The following BNC2 variants were observed in gnomAD, a reference collection of about 807,000 sequenced individuals.
BNC2 encodes the protein zinc finger protein basonuclin-2.
BNC2 carries 20 observed loss-of-function variants against 76.3 expected under a neutral mutation model. The observed-to-expected ratio is 0.26, with a 90% CI of 0.18 to 0.38. The LOEUF (loss-of-function observed/expected upper bound fraction) is 0.38. Ranked by LOEUF, BNC2 falls within the 10% of genes least tolerant of loss-of-function variation. BNC2 has a pLI of 1.00. For missense variants in BNC2, 1,382 were observed against 1,399.8 expected (o/e 0.99, Z 0.20); for synonymous variants, 582 against 514.8 (o/e 1.13, Z -1.77).
At chr9:16,702,070 A>G (rs4360380) in intron 3 of BNC2, among the ~76,000 whole-genome samples, 90,850 of 152,024 alleles carry the variant, frequency 0.6, 30,853 homozygotes, top group Non-Finnish European at 0.79. Context: ...TGCTCAACAA[A>G]TAGTTCCTAA....
At chr9:16,552,847 T>A in intron 4 of BNC2, 82 bp from the exon 5 acceptor site, 1 of 1,159,932 alleles carries the variant, frequency 8.6e-7, no homozygotes, top group Non-Finnish European at 1.3e-6. Flanking sequence ...GAAATATTGC[T>A]GGAAGTTACC....
chr9:16,499,799 G>T (rs1304831591), intron 5 of BNC2, among the ~76,000 whole-genome samples: 2 of 151,914 alleles, frequency 1.3e-5, no homozygotes, highest in East Asian at 3.9e-4. Flanking sequence ...CCAAAGTGCT[G>T]GGATTACAGG....
At chr9:16,704,789 G>A (rs1366250891) in intron 3 of BNC2, 1 of 152,142 alleles carries the variant, frequency 6.6e-6, no homozygotes, top group Non-Finnish European at 1.5e-5. Context: ...GTGGTGCAAG[G>A]TTAACAGATC....
At chr9:16,856,516 C>G (rs1282744115) in intron 1 of BNC2, among the ~76,000 whole-genome samples, 3 of 152,100 alleles carry the variant, frequency 2.0e-5, no homozygotes, top group Non-Finnish European at 4.4e-5. Context: ...CAAAATGATT[C>G]TCCTGCCTCA....
At chr9:16,438,795 C>T (rs57310704) in intron 5 of BNC2, among the ~76,000 whole-genome samples, 12,757 of 152,050 alleles carry the variant, frequency 0.084, 572 homozygotes, top group Middle Eastern at 0.14. Flanking sequence ...AAAGGGTGAT[C>T]GACGTTACCA....
At position 16,435,602 on chromosome 9, in the gene BNC2, T is replaced by C. The variant is rs1199240484; in HGVS notation, c.2592A>G (p.Thr864=). 1.2e-6 allele frequency: 2 copies of C among 1,614,074 alleles called. No homozygotes were observed. The highest frequency in any genetic ancestry group is 2.2e-5 in the East Asian group (1 of 44,888). The change falls in exon 6 of 7, where the codon ACA becomes ACG. Residue 864 remains threonine (T), a synonymous_variant. Coordinates refer to ENST00000380672, the MANE Select transcript of BNC2 (RefSeq NM_017637.6). ...GGAATGCAGCATTGCAACCAGCCAC[T>C]GTGCAGACGTGCATCTCTTTCAAGT... ...NVHLKEMHVC[T]VAGCNAAFPS...
At chr9:16,530,179 T>TA (rs1260343779) in intron 5 of BNC2, among the ~76,000 whole-genome samples, 1 of 151,432 alleles carries the variant, frequency 6.6e-6, no homozygotes, top group Non-Finnish European at 1.5e-5. Flanking sequence ...TTTTTTTTTT[T>TA]AAAAAAGCCT....
rs962332422 is a variant in BNC2, at chr9:16,419,447, C to T, written c.2842G>A (p.Gly948Arg). The T allele has an allele frequency of 6.2e-6, 10 of 1,612,064 alleles. No homozygotes were observed. The highest frequency in any genetic ancestry group is 1.3e-5 in the African/African-American group (1 of 74,950). The change falls in exon 7 of 7, where the codon GGG becomes AGG. Residue 948 changes from glycine (G) to arginine (R), a missense_variant. Gly to Arg is a moderately radical substitution (Grantham distance 125). Transcript: ENST00000380672. ...TCCTCTGCCATGCCTCTCCCATACC[C>T]GTTCAGGTGGGAGTCTTCAGTCCCT... ...PAGTEDSHLNGYGRGMAEDYM... is the reference protein window; with the variant it reads ...PAGTEDSHLNRYGRGMAEDYM...
At chr9:16,466,065 G>T (rs1218928896) in intron 5 of BNC2, among the ~76,000 whole-genome samples, 2 of 98,088 alleles carry the variant, frequency 2.0e-5, no homozygotes, top group East Asian at 5.5e-4. Flanking sequence ...AATCATGAGT[G>T]AACTCCCATT....
chr9:16,733,192 C>G (rs1024542999), intron 2 of BNC2, among the ~76,000 whole-genome samples: 7 of 152,106 alleles, frequency 4.6e-5, no homozygotes, highest in African/African-American at 1.4e-4. Context: ...ATCTGTTGGG[C>G]TGTGTGAAAT....
chr9:16,574,798 A>C (rs747537338), intron 4 of BNC2, among the ~76,000 whole-genome samples: 5 of 152,220 alleles, frequency 3.3e-5, no homozygotes, highest in Admixed American at 6.5e-5. Context: ...CTACTCTTTC[A>C]TGTAATCCTC....
intron 1 of BNC2, among the ~76,000 whole-genome samples, chr9:16,858,954 C>A (rs1212066499): frequency 6.6e-6 from 1 of 151,952 alleles, no homozygotes; most frequent in Admixed American, 6.6e-5. Context: ...ATGTGTAAAT[C>A]ATATTTCTGA....
At chr9:16,676,392 A>T (rs550914622) in intron 3 of BNC2, among the ~76,000 whole-genome samples, 5 of 152,372 alleles carry the variant, frequency 3.3e-5, no homozygotes, top group African/African-American at 1.2e-4. Context: ...CCAAGAATTA[A>T]AACATTTTGT....
At chr9:16,556,614 A>G (rs1818840668) in intron 4 of BNC2, among the ~76,000 whole-genome samples, 1 of 151,056 alleles carries the variant, frequency 6.6e-6, no homozygotes, top group African/African-American at 2.5e-5. Flanking sequence ...CTAAAAATAC[A>G]AAAATTAGCT....
intron 1 of BNC2, among the ~76,000 whole-genome samples, chr9:16,828,943 C>T (rs539697418): frequency 6.6e-6 from 1 of 151,716 alleles, no homozygotes; most frequent in Admixed American, 6.6e-5. Flanking sequence ...GGCCCCGAAG[C>T]GACTCCAGAG....
At chr9:16,813,414 C>T (rs1472135597) in intron 1 of BNC2, among the ~76,000 whole-genome samples, 4 of 151,730 alleles carry the variant, frequency 2.6e-5, no homozygotes, top group South Asian at 4.2e-4. Flanking sequence ...TACAGGCGCC[C>T]GCCACTACGC....
In BNC2 at chr9:16,606,624, A is replaced by T. The variant is rs7872747; in HGVS notation, c.331-23539T>A. 3.9e-3 allele frequency among the ~76,000 whole-genome samples: 596 copies of T among 150,944 alleles called. 5 individuals are homozygous for T. The highest frequency in any genetic ancestry group is 0.013 in the African/African-American group (548 of 41,156). On this transcript the variant is annotated intron_variant, in intron 3 of 6. Coordinates refer to ENST00000380672, the MANE Select transcript of BNC2 (RefSeq NM_017637.6). ...CTCAGCTCACTGCAACCTCCACCCC[A>T]CAACGTTCAAGCAATTCTCCAGCCC...
intron 5 of BNC2, among the ~76,000 whole-genome samples, chr9:16,492,720 C>CTTT (rs1822303946): frequency 2.9e-5 from 4 of 138,748 alleles, no homozygotes; most frequent in East Asian, 2.4e-4. Flanking sequence ...AAGGCCTGCC[C>CTTT]ATTTTTTTTT....
intron 3 of BNC2, among the ~76,000 whole-genome samples, chr9:16,623,797 T>A (rs971150943): frequency 4.6e-5 from 7 of 152,154 alleles, no homozygotes; most frequent in Non-Finnish European, 1.0e-4. Context: ...AGTTTTGAGA[T>A]CTATCAGTAG....
Sources: gnomAD v4.1 joint callset for allele counts (sites outside exome capture counted in the v4.1 genomes callset) on GRCh38, gnomAD v4.1.1 for gene constraint, MANE v1.5 for transcripts, NCBI Gene and HGNC (gene_info 2026-07-23, HGNC 2026-07-21) for gene names.